Variants in WNT11 observed in about 807,000 individuals in gnomAD.
The protein encoded by WNT11 is protein Wnt-11.
Under a neutral mutation model 35.6 loss-of-function variants are expected in WNT11, and 20 were observed. That is an observed-to-expected ratio of 0.56 (90% CI 0.40 to 0.82). WNT11 has a LOEUF of 0.82. Among genes scored for constraint, WNT11 ranks in the 40% least tolerant of loss-of-function variants. WNT11 has a pLI of 0.00. For synonymous variants in WNT11, 200 were observed against 211.9 expected, an observed-to-expected ratio of 0.94 and a Z score of 0.49; for missense variants, 459 against 504.4, an observed-to-expected ratio of 0.91 and a Z score of 0.86.
intron 4 of WNT11, among the ~76,000 whole-genome samples, chr11:76,189,162 C>T (rs913163040): frequency 1.4e-4 from 21 of 152,238 alleles, no homozygotes; most frequent in African/African-American, 5.1e-4. Flanking sequence ...CACTTGGCAT[C>T]CATGAGTTCC....
intron 3 of WNT11, among the ~76,000 whole-genome samples, chr11:76,192,428 C>T (rs1286494648): frequency 6.6e-6 from 1 of 152,208 alleles, no homozygotes; most frequent in Non-Finnish European, 1.5e-5. Context: ...GGCACCTCCC[C>T]GCCGCCTGGC....
chr11:76,208,152 C>T (rs1240821430), upstream of WNT11, among the ~76,000 whole-genome samples: 4 of 152,366 alleles, frequency 2.6e-5, no homozygotes, highest in Non-Finnish European at 5.9e-5. Context: ...CCCCGTCTCC[C>T]TGCAGCCTGC....
At position 76,188,673 on chromosome 11, in the gene WNT11, T is replaced by C. The variant is rs73500084; in HGVS notation, c.891-1434A>G. Reference sequence around the variant, plus strand: ...GACCGAATGCAATCCTCATATTTACTGATGGGGAAACAGACACAGAAGGGA... The same window carrying C: ...GACCGAATGCAATCCTCATATTTACCGATGGGGAAACAGACACAGAAGGGA... On this transcript the variant is annotated intron_variant, in intron 4 of 4. Transcript: ENST00000322563. 9.5e-3 allele frequency among the ~76,000 whole-genome samples: 1,452 copies of C among 152,298 alleles called. 28 individuals carry two copies. Among genetic ancestry groups the C allele is most frequent in the African/African-American group, 0.033 (1,380 of 41,540 alleles).
chr11:76,187,865 G>T (rs73005308), intron 4 of WNT11, among the ~76,000 whole-genome samples: 11,177 of 151,948 alleles, frequency 0.074, 467 homozygotes, highest in Non-Finnish European at 0.097. Context: ...AATCTAATAA[G>T]CCTATCTTTA....
upstream of WNT11, among the ~76,000 whole-genome samples, chr11:76,209,255 G>A (rs1422928461): frequency 1.3e-5 from 2 of 152,194 alleles, no homozygotes; most frequent in Non-Finnish European, 2.9e-5. Flanking sequence ...GCCTGCAGCG[G>A]GCCCGGGAGG....
At chr11:76,192,081 G>C (rs1002893643) in intron 3 of WNT11, among the ~76,000 whole-genome samples, 2 of 152,194 alleles carry the variant, frequency 1.3e-5, no homozygotes, top group Middle Eastern at 3.2e-3. Context: ...TTCAGGGATA[G>C]GGATGCCATT....
chr11:76,194,853 G>A lies in WNT11; in HGVS notation c.320-9C>T. 1 of 1,491,606 alleles carries A rather than the reference G, an allele frequency of 6.7e-7. No homozygotes were observed. The highest frequency in any genetic ancestry group is 8.9e-7 in the Non-Finnish European group (1 of 1,126,836). The allele number at this position is 1,491,606 out of a possible 1,614,324, so 92.4% of individuals were successfully genotyped here. On this transcript the variant is annotated splice_polypyrimidine_tract_variant and intron_variant, in intron 2 of 4. Transcript: ENST00000322563. This position sits in a 1 kb window ranked among gnomAD's most constrained non-coding sequence, Gnocchi z 5.4. Reference sequence around the variant, plus strand: ...GGCCGACTCCCGGGTCCCTGAGGGTGGGAGGGGAAGGTCAGCCGACGCTGA... The same window carrying A: ...GGCCGACTCCCGGGTCCCTGAGGGTAGGAGGGGAAGGTCAGCCGACGCTGA...
At chr11:76,189,564 A>G (rs1227226651) in intron 4 of WNT11, among the ~76,000 whole-genome samples, 2 of 152,204 alleles carry the variant, frequency 1.3e-5, no homozygotes, top group African/African-American at 4.8e-5. Flanking sequence ...GGCAGCCTCT[A>G]GAGATACCCC....
upstream of WNT11, chr11:76,210,477 G>C (rs1342497394): frequency 1.0e-5 from 10 of 985,174 alleles, no homozygotes; most frequent in Non-Finnish European, 1.2e-5. Flanking sequence ...CTCACCTCCC[G>C]GGGCGCTCGC....
upstream of WNT11, among the ~76,000 whole-genome samples, chr11:76,207,232 G>A (rs1953488950): frequency 1.3e-5 from 2 of 152,104 alleles, no homozygotes; most frequent in African/African-American, 4.8e-5. Flanking sequence ...GCGTGGTGGC[G>A]GGCGCCTGTA....
chr11:76,194,481 C>T lies in WNT11; in HGVS notation c.597+86G>A. 6.8e-7 allele frequency: 1 copy of T among 1,469,714 alleles called. No homozygotes were observed. Among genetic ancestry groups the T allele is most frequent in the South Asian group, 1.4e-5 (1 of 72,558 alleles). 91.0% of individuals were successfully genotyped at this position (1,469,714 alleles called of 1,614,324 possible). ...CAGTCAGGGCCCGTCCCCCCGCACCCCCCACCACTGGGGCAAGCTGGGTGG... is the reference window on the plus strand; with the variant it reads ...CAGTCAGGGCCCGTCCCCCCGCACCTCCCACCACTGGGGCAAGCTGGGTGG... On this transcript the variant is annotated intron_variant, in intron 3 of 4. Transcript: ENST00000322563. The surrounding 1 kb of genome is among the most constrained non-coding windows in gnomAD (Gnocchi z 5.4).
At chr11:76,189,390 G>A (rs1953145797) in intron 4 of WNT11, among the ~76,000 whole-genome samples, 1 of 151,094 alleles carries the variant, frequency 6.6e-6, no homozygotes, top group African/African-American at 2.4e-5. Context: ...GGCTCCCAGG[G>A]TACAGGGTGG....
At position 76,194,899 on chromosome 11, in the gene WNT11, C is replaced by T. The variant is rs756689167; in HGVS notation, c.320-55G>A. 582 of 1,444,786 alleles carry T rather than the reference C, an allele frequency of 4.0e-4. 2 individuals carry two copies. In the Middle Eastern group the frequency reaches 9.7e-3, roughly 24 times the overall value. 89.5% of individuals were successfully genotyped at this position (1,444,786 alleles called of 1,614,324 possible). On this transcript the variant is annotated intron_variant, in intron 2 of 4. Coordinates refer to ENST00000322563, the MANE Select transcript of WNT11 (RefSeq NM_004626.3). The surrounding 1 kb of genome is among the most constrained non-coding windows in gnomAD (Gnocchi z 5.4). ...GCTGATCCAGGGCTAGGACCCTGCC[C>T]AGGTCAGAGGTCCTCCACCTTCGCC...
chr11:76,199,795 AC>A (rs1953346525), intron 1 of WNT11, among the ~76,000 whole-genome samples: 1 of 152,174 alleles, frequency 6.6e-6, no homozygotes, highest in Non-Finnish European at 1.5e-5. Flanking sequence ...ATCTCAAAAA[AC>A]AAAACAAACA....
intron 1 of WNT11, among the ~76,000 whole-genome samples, chr11:76,198,721 A>G (rs1346150682): frequency 6.6e-6 from 1 of 152,102 alleles, no homozygotes; most frequent in Non-Finnish European, 1.5e-5. Flanking sequence ...TAAATCAATG[A>G]CCCAGCTGTT....
chr11:76,187,837 T>C (rs575198267), intron 4 of WNT11, among the ~76,000 whole-genome samples: 2 of 152,196 alleles, frequency 1.3e-5, no homozygotes, highest in African/African-American at 4.8e-5. Context: ...TTCTAAATAC[T>C]GGAAGGACCC....
chr11:76,190,264 G>A lies in WNT11; in HGVS notation c.890+1300C>T, dbSNP rs115796553. 4.9e-3 allele frequency among the ~76,000 whole-genome samples: 749 copies of A among 152,220 alleles called. 7 individuals are homozygous for A. The highest frequency in any genetic ancestry group is 0.017 in the African/African-American group (722 of 41,520). ...CACACAGAGCCACATATGGATCCAG[G>A]AAGACCCTTTCTTCACTCTCGGGTC... On this transcript the variant is annotated intron_variant, in intron 4 of 4. Coordinates refer to ENST00000322563, the MANE Select transcript of WNT11 (RefSeq NM_004626.3).
At chr11:76,201,443 T>C (rs1953375944) in intron 1 of WNT11, among the ~76,000 whole-genome samples, 1 of 152,090 alleles carries the variant, frequency 6.6e-6, no homozygotes, top group Non-Finnish European at 1.5e-5. Context: ...AATCAAGGAT[T>C]AGGATGGGAG....
chr11:76,187,301 TGA>T, intron 4 of WNT11, 62 bp from the exon 5 acceptor site: 1 of 1,527,226 alleles, frequency 6.5e-7, no homozygotes. Context: ...CAACACCCCA[TGA>T]CTCCCAGCCA....
Sources: gnomAD v4.1 joint callset for allele counts (sites outside exome capture counted in the v4.1 genomes callset) on GRCh38, gnomAD v4.1.1 for gene constraint, Gnocchi (gnomAD v3.1) non-coding constraint, MANE v1.5 for transcripts, NCBI Gene and HGNC (gene_info 2026-07-23, HGNC 2026-07-21) for gene names.